The following AGAP1 variants were observed in gnomAD, a reference collection of about 807,000 sequenced individuals.
AGAP1 encodes ArfGAP with GTPase domain, ankyrin repeat and PH domain 1.
AGAP1 carries 29 observed loss-of-function variants against 105.3 expected under a neutral mutation model. That is an observed-to-expected ratio of 0.28 (90% confidence interval 0.21 to 0.38). The LOEUF (loss-of-function observed/expected upper bound fraction) is 0.38. Among genes scored for constraint, AGAP1 ranks in the 10% least tolerant of loss-of-function variants. AGAP1 has a pLI of 1.00. For missense variants in AGAP1, 998 were observed against 1,165.1 expected (o/e 0.86, Z 2.09); for synonymous variants, 509 against 485.9 (o/e 1.05, Z -0.63).
chr2:235,969,759 G>A (rs554155324), intron 13 of AGAP1, among the ~76,000 whole-genome samples: 2 of 152,300 alleles, frequency 1.3e-5, no homozygotes, highest in South Asian at 4.1e-4. Context: ...GAGGCAGGGA[G>A]CATCATTTCT....
chr2:236,104,232 G>T lies in AGAP1; in HGVS notation c.2115-15960G>T, dbSNP rs148449459. ...GCTGGTAGGGCCAGGCCTGTTGGCT[G>T]CTGTGAGAGATACGCCACCAGGCCA... On this transcript the variant is annotated intron_variant, in intron 16 of 17. Transcript: ENST00000304032. This position sits in a 1 kb window ranked among gnomAD's most constrained non-coding sequence, Gnocchi z 4.7. Among the ~76,000 whole-genome samples the T allele has an allele frequency of 1.5e-3, 222 of 152,340 alleles. 1 individual carries two copies. Among genetic ancestry groups the T allele is most frequent in the Non-Finnish European group, 2.4e-3 (165 of 68,038 alleles).
chr2:236,063,202 T>G (rs1488111824), intron 16 of AGAP1, among the ~76,000 whole-genome samples: 1 of 151,408 alleles, frequency 6.6e-6, no homozygotes. Flanking sequence ...CAAGTGATTC[T>G]CCTGCCTCAG....
intron 16 of AGAP1, among the ~76,000 whole-genome samples, chr2:236,112,415 CGA>C (rs1491299125): frequency 6.8e-5 from 10 of 146,364 alleles, no homozygotes; most frequent in Admixed American, 6.1e-4. Flanking sequence ...CATTCCATCT[CGA>C]AAAAAAAAAA....
In AGAP1 at chr2:235,900,329, A is replaced by G. The variant is rs1238858327; in HGVS notation, c.1156-8409A>G. ...CTTCCTTCTTAGCCTGTTGACTTTG[A>G]GGTAGGAGGAGCCCAAAGTGGCCAG... On this transcript the variant is annotated intron_variant, in intron 10 of 17. Coordinates refer to ENST00000304032, the MANE Select transcript of AGAP1 (RefSeq NM_001037131.3). This position sits in a 1 kb window ranked among gnomAD's most constrained non-coding sequence, Gnocchi z 5.5. 6.6e-6 allele frequency among the ~76,000 whole-genome samples: 1 copy of G among 151,778 alleles called. No individual in the cohort carries two copies. Among genetic ancestry groups the G allele is most frequent in the South Asian group, 2.1e-4 (1 of 4,800 alleles).
chr2:235,722,161 G>A (rs1389256732), intron 3 of AGAP1, among the ~76,000 whole-genome samples: 3 of 152,284 alleles, frequency 2.0e-5, no homozygotes, highest in Non-Finnish European at 2.9e-5. Flanking sequence ...GTGCTCACAC[G>A]TGTGTGTGCA....
rs932491593 is a variant in AGAP1, at chr2:235,639,127, G to T, written c.164-70052G>T. Among the ~76,000 whole-genome samples the T allele has an allele frequency of 6.6e-6, 1 of 152,168 alleles. No individual in the cohort carries two copies. The highest frequency in any genetic ancestry group is 2.4e-5 in the African/African-American group (1 of 41,442). ...GATGGATGGAATTTGGTCAAGGCAG[G>T]AATGAGGGTGGATGTGGGGCATGGG... is the stretch of plus-strand genomic sequence containing the variant. On this transcript the variant is annotated intron_variant, in intron 1 of 17. Coordinates refer to ENST00000304032, the MANE Select transcript of AGAP1 (RefSeq NM_001037131.3). The surrounding 1 kb of genome is among the most constrained non-coding windows in gnomAD (Gnocchi z 5.3).
In AGAP1 at chr2:236,089,819, A is replaced by G. The variant is rs374601548; in HGVS notation, c.2115-30373A>G. ...GAATGGCTGACGAGGTCTAATTGGC[A>G]TGTAACGCCCTATAAATTTATTAGC... On this transcript the variant is annotated intron_variant, in intron 16 of 17. Coordinates refer to ENST00000304032, the MANE Select transcript of AGAP1 (RefSeq NM_001037131.3). The surrounding 1 kb of genome is among the most constrained non-coding windows in gnomAD (Gnocchi z 5.6). 9.2e-5 allele frequency among the ~76,000 whole-genome samples: 14 copies of G among 152,290 alleles called. No individual in the cohort carries two copies. The East Asian group carries it at 9.7e-4, about 11-fold the overall frequency.
At chr2:235,948,344 A>G (rs1303264151) in intron 12 of AGAP1, among the ~76,000 whole-genome samples, 1 of 151,992 alleles carries the variant, frequency 6.6e-6, no homozygotes, top group Admixed American at 6.5e-5. Flanking sequence ...CACCATGCCC[A>G]GCTAATTTTT....
chr2:235,927,762 G>A lies in AGAP1; in HGVS notation c.1325-3003G>A, dbSNP rs141651501. On this transcript the variant is annotated intron_variant, in intron 11 of 17. Coordinates refer to ENST00000304032, the MANE Select transcript of AGAP1 (RefSeq NM_001037131.3). This position sits in a 1 kb window ranked among gnomAD's most constrained non-coding sequence, Gnocchi z 4.4. The stretch of plus-strand genomic sequence containing the variant: ...AAGGTTTCTAGGCCTGGTTGTCATC[G>A]GAGAACCACTCTCCAGGGAGAAGGA... 7.3e-3 allele frequency among the ~76,000 whole-genome samples: 1,110 copies of A among 152,272 alleles called. 19 individuals are homozygous for A. The South Asian group carries it at 0.086, about 12-fold the overall frequency.
rs746072179 is a variant in AGAP1, at chr2:235,609,219, C to G, written c.164-99960C>G. On this transcript the variant is annotated intron_variant, in intron 1 of 17. Transcript: ENST00000304032. The surrounding 1 kb of genome is among the most constrained non-coding windows in gnomAD (Gnocchi z 5.1). ...AGCTTTCTGAGCACTTTTTCTTGAT[C>G]ACTGATGATGACCGTAAACAAGCTG... Among the ~76,000 whole-genome samples, 17 of 152,156 alleles carry G rather than the reference C, an allele frequency of 1.1e-4. No individual in the cohort carries two copies. Among genetic ancestry groups the G allele is most frequent in the South Asian group, 8.3e-4 (4 of 4,820 alleles).
Position 235,636,882 on chromosome 2 carries a change from G to A in AGAP1, c.164-72297G>A, listed in dbSNP as rs572145661. Among the ~76,000 whole-genome samples the A allele has an allele frequency of 8.5e-5, 13 of 152,264 alleles. No individual in the cohort carries two copies. The South Asian group carries it at 2.5e-3, about 29-fold the overall frequency. ...ATTTGGACGCAGATGCACAGAGGGAGAACATCATGTCAAGGCTGCGGTAAT... is the reference window on the plus strand; with the variant it reads ...ATTTGGACGCAGATGCACAGAGGGAAAACATCATGTCAAGGCTGCGGTAAT... On this transcript the variant is annotated intron_variant, in intron 1 of 17. Transcript: ENST00000304032.
intron 1 of AGAP1, among the ~76,000 whole-genome samples, chr2:235,594,661 A>G (rs552103698): frequency 5.9e-5 from 9 of 152,018 alleles, no homozygotes; most frequent in African/African-American, 9.6e-5. Context: ...TGCAACCTCC[A>G]TCTTCCGGGT....
rs1275823099 is a variant in AGAP1, at chr2:236,114,193, C to T, written c.2115-5999C>T. On this transcript the variant is annotated intron_variant, in intron 16 of 17. Transcript: ENST00000304032. This position sits in a 1 kb window ranked among gnomAD's most constrained non-coding sequence, Gnocchi z 5.0. ...GGAATGAGGGGAGGTGATCTACTGC[C>T]GGCTGCCTGCTCTTGAACTGGCCTT... is the stretch of plus-strand genomic sequence containing the variant. Among the ~76,000 whole-genome samples, 4 of 152,108 alleles carry T rather than the reference C, an allele frequency of 2.6e-5. No homozygotes were observed. Among genetic ancestry groups the T allele is most frequent in the Non-Finnish European group, 4.4e-5 (3 of 68,026 alleles).
intron 1 of AGAP1, among the ~76,000 whole-genome samples, chr2:235,694,633 A>G (rs1236284641): frequency 6.6e-6 from 1 of 151,772 alleles, no homozygotes; most frequent in Non-Finnish European, 1.5e-5. Context: ...CTGCAATAGA[A>G]CGAGACTCCG....
intron 1 of AGAP1, among the ~76,000 whole-genome samples, chr2:235,699,830 G>A (rs1441284681): frequency 2.6e-5 from 4 of 152,244 alleles, no homozygotes; most frequent in Non-Finnish European, 2.9e-5. Context: ...ATGGAAGTGA[G>A]AGCCTGTGAA....
At chr2:235,746,047 A>G (rs1249784256) in intron 5 of AGAP1, among the ~76,000 whole-genome samples, 1 of 152,084 alleles carries the variant, frequency 6.6e-6, no homozygotes, top group Non-Finnish European at 1.5e-5. Flanking sequence ...GATCACTTGA[A>G]CCCAGGAAGC....
intron 6 of AGAP1, among the ~76,000 whole-genome samples, chr2:235,781,964 T>C (rs557944919): frequency 1.3e-5 from 2 of 152,308 alleles, no homozygotes; most frequent in South Asian, 4.1e-4. Context: ...CCTTTAACTT[T>C]CTAGACCCAG....
Position 235,752,899 on chromosome 2 carries a change from G to C in AGAP1, c.673+2411G>C, listed in dbSNP as rs1001220056. On this transcript the variant is annotated intron_variant, in intron 6 of 17. Coordinates refer to ENST00000304032, the MANE Select transcript of AGAP1 (RefSeq NM_001037131.3). The surrounding 1 kb of genome is among the most constrained non-coding windows in gnomAD (Gnocchi z 4.3). Reference sequence around the variant, plus strand: ...ACAGACTTTTACTTGTCCTACTTACGGAGGATGGGAGTCCAGGGCCAGGTG... The same window carrying C: ...ACAGACTTTTACTTGTCCTACTTACCGAGGATGGGAGTCCAGGGCCAGGTG... 3.9e-5 allele frequency among the ~76,000 whole-genome samples: 6 copies of C among 152,166 alleles called. No homozygotes were observed. The highest frequency in any genetic ancestry group is 1.4e-4 in the African/African-American group (6 of 41,440).
chr2:235,890,471 A>G (rs2050484268), intron 10 of AGAP1, among the ~76,000 whole-genome samples: 1 of 152,180 alleles, frequency 6.6e-6, no homozygotes, highest in South Asian at 2.1e-4. Context: ...CCTAAAGGCC[A>G]GTGGTGGGGC....
Sources: gnomAD v4.1 joint callset for allele counts (sites outside exome capture counted in the v4.1 genomes callset) on GRCh38, gnomAD v4.1.1 for gene constraint, Gnocchi (gnomAD v3.1) non-coding constraint, MANE v1.5 for transcripts, NCBI Gene and HGNC (gene_info 2026-07-23, HGNC 2026-07-21) for gene names.